Variants in ARHGEF12 observed in about 807,000 individuals in gnomAD.
ARHGEF12 encodes KMT2A/ARHGEF12 fusion protein.
ARHGEF12 carries 66 observed loss-of-function variants against 211.2 expected under a neutral mutation model. The observed-to-expected ratio is 0.31, with a 90% CI of 0.26 to 0.38. The LOEUF (loss-of-function observed/expected upper bound fraction) is 0.38, where lower values mean the gene tolerates loss of function less well. Among genes scored for constraint, ARHGEF12 ranks in the 10% least tolerant of loss-of-function variants. The pLI is 1.00. For synonymous variants in ARHGEF12, 592 were observed against 638.4 expected (o/e 0.93, Z 1.09); for missense variants, 1,429 against 1,869.5 (o/e 0.76, Z 4.34).
intron 37 of ARHGEF12, among the ~76,000 whole-genome samples, chr11:120,479,590 T>C (rs1206717883): frequency 6.6e-6 from 1 of 152,220 alleles, no homozygotes; most frequent in Non-Finnish European, 1.5e-5. Flanking sequence ...ACACAGCCTT[T>C]CAACATTCTT....
intron 1 of ARHGEF12, among the ~76,000 whole-genome samples, chr11:120,394,171 G>A (rs1293678290): frequency 1.3e-5 from 2 of 151,542 alleles, no homozygotes. Context: ...AAAACTTATA[G>A]CATTAAACAC....
In ARHGEF12 at chr11:120,420,866, A is replaced by G. The variant is rs1945163865; in HGVS notation, c.298+15A>G. 6.2e-7 allele frequency: 1 copy of G among 1,602,430 alleles called. No homozygotes were observed. The highest frequency in any genetic ancestry group is 1.1e-5 in the South Asian group (1 of 90,468). ...TGTCAAAGAAGGCAAGGCATTTTAA[A>G]AAACAATTTATCACTCAGTAAACAG... On this transcript the variant is annotated intron_variant, in intron 5 of 40. Coordinates refer to ENST00000397843, the MANE Select transcript of ARHGEF12 (RefSeq NM_015313.3).
chr11:120,353,272 C>G (rs1336525889), intron 1 of ARHGEF12, among the ~76,000 whole-genome samples: 10 of 152,280 alleles, frequency 6.6e-5, no homozygotes, highest in Middle Eastern at 3.4e-3. Context: ...TTGGGAAGTC[C>G]CAGGACCTTG....
rs1945162012 is a variant in ARHGEF12, at chr11:120,420,801, G to T, written c.248G>T (p.Gly83Val). ...VIIQKDDNGF[G>V]LTVSGDNPVF... is the part of the protein sequence containing the mutation. ...ATCCAGAAAGATGACAATGGATTTG[G>T]GCTGACGGTCAGTGGAGACAATCCA... Residue 83 changes from glycine to valine, a missense_variant, in exon 5 of 41, where the codon GGG (glycine) becomes GTG (valine). Physicochemically the swap from Gly to Val is moderately radical, Grantham distance 109 (BLOSUM62 -3). Around this residue, in one of 7 missense-constraint regions of ARHGEF12, gnomAD observed 60 missense variants for 121.0 expected, o/e 0.50. Coordinates refer to ENST00000397843, the MANE Select transcript of ARHGEF12 (RefSeq NM_015313.3). 1 of 1,613,970 alleles carries T rather than the reference G, an allele frequency of 6.2e-7. No homozygotes were observed. The highest frequency in any genetic ancestry group is 1.7e-5 in the Admixed American group (1 of 60,010).
intron 30 of ARHGEF12, among the ~76,000 whole-genome samples, chr11:120,470,474 A>G (rs1946836025): frequency 6.6e-6 from 1 of 152,196 alleles, no homozygotes; most frequent in Non-Finnish European, 1.5e-5. Context: ...GGGGAAGATG[A>G]TGAGGTCACT....
chr11:120,441,133 T>A (rs1945856454), intron 13 of ARHGEF12, among the ~76,000 whole-genome samples: 1 of 152,178 alleles, frequency 6.6e-6, no homozygotes. Flanking sequence ...GATATTGGTG[T>A]GTTGTTTTTC....
chr11:120,385,579 C>A, intron 1 of ARHGEF12: 1 of 641,650 alleles, frequency 1.6e-6, no homozygotes, highest in Non-Finnish European at 1.9e-6. Flanking sequence ...TACCTGTTAA[C>A]AGGAATAAAA....
At chr11:120,420,254 CT>C (rs1228197819) in intron 4 of ARHGEF12, among the ~76,000 whole-genome samples, 2 of 152,148 alleles carry the variant, frequency 1.3e-5, no homozygotes, top group East Asian at 3.9e-4. Flanking sequence ...CACCTCCTTT[CT>C]TTTTACTGTT....
intron 25 of ARHGEF12, 118 bp downstream of exon 25, chr11:120,458,352 AG>A: frequency 8.5e-7 from 1 of 1,169,590 alleles, no homozygotes; most frequent in Non-Finnish European, 1.2e-6. Context: ...TTTTAAACAA[AG>A]AGGAAATTAA....
chr11:120,438,109 C>G (rs1945749843), intron 12 of ARHGEF12, among the ~76,000 whole-genome samples: 1 of 152,176 alleles, frequency 6.6e-6, no homozygotes, highest in Non-Finnish European at 1.5e-5. Context: ...CTTTTAAGCA[C>G]TCTGATTTTA....
chr11:120,478,552 G>A (rs1947131732), intron 37 of ARHGEF12, among the ~76,000 whole-genome samples, 163 bp downstream of exon 37: 1 of 152,156 alleles, frequency 6.6e-6, no homozygotes, highest in African/African-American at 2.4e-5. Context: ...ACACACACAT[G>A]CCACTCTGTT....
intron 25 of ARHGEF12, chr11:120,458,600 GA>G (rs891375158): frequency 1.5e-4 from 34 of 226,472 alleles, no homozygotes; most frequent in Non-Finnish European, 1.5e-4. Context: ...AACGTGTAAG[GA>G]AAAAAATTCA....
intron 1 of ARHGEF12, among the ~76,000 whole-genome samples, chr11:120,348,866 C>T (rs1047380706): frequency 6.6e-6 from 1 of 152,044 alleles, no homozygotes; most frequent in African/African-American, 2.4e-5. Context: ...TAAAAAATTA[C>T]CTTCAGGCTG....
chr11:120,454,612 CGGTT>C lies in ARHGEF12; in HGVS notation c.2057-2503_2057-2500del, dbSNP rs372287278. Among the ~76,000 whole-genome samples, 422 of 152,258 alleles carry C rather than the reference CGGTT, an allele frequency of 2.8e-3. 1 individual carries two copies. Among genetic ancestry groups the C allele is most frequent in the African/African-American group, 8.8e-3 (364 of 41,550 alleles). The stretch of plus-strand genomic sequence containing the variant: ...CAGAGCAGCTTAGCTGCGTGGGTCT[CGGTT>C]GGAGTCTGTCATAAAGTTGCAGTCA... On this transcript the variant is annotated intron_variant, in intron 22 of 40. Transcript: ENST00000397843.
In ARHGEF12 at chr11:120,460,532, T is replaced by C. The variant is rs901037017; in HGVS notation, c.2528-140T>C. ...AGATGTGTAAGCACTATGTCCAGAT[T>C]TATATTTAAGGAGATAAGAAGCAGC... On this transcript the variant is annotated intron_variant, in intron 26 of 40. Coordinates refer to ENST00000397843, the MANE Select transcript of ARHGEF12 (RefSeq NM_015313.3). 8.4e-6 allele frequency: 5 copies of C among 593,338 alleles called. No homozygotes were observed. The Admixed American group carries it at 9.4e-5, about 11-fold the overall frequency. 36.8% of individuals were successfully genotyped at this position (593,338 alleles called of 1,614,324 possible). A position where few individuals can be genotyped will look rare whatever the true frequency, so the allele number is the denominator to read the frequency against.
intron 4 of ARHGEF12, among the ~76,000 whole-genome samples, chr11:120,413,743 G>A (rs1944950318): frequency 6.6e-6 from 1 of 152,170 alleles, no homozygotes. Context: ...CTGTTTTTAT[G>A]AGGTTGCACA....
Position 120,477,224 on chromosome 11 carries a change from A to G in ARHGEF12, c.3371A>G (p.Gln1124Arg). 6.2e-7 allele frequency: 1 copy of G among 1,613,978 alleles called. No homozygotes were observed. Among genetic ancestry groups the G allele is most frequent in the Non-Finnish European group, 8.5e-7 (1 of 1,179,982 alleles). ...TTCTTTCCAACTTTCTGAAGCTGGC[A>G]GGACCTAATCTGTCGGATGGCTGCA... ...AQTVSEKTVW[Q>R]DLICRMAASV... Residue 1124 changes from glutamine (Q) to arginine (R), a missense_variant, in exon 35 of 41, where the codon CAG (glutamine) becomes CGG (arginine). This residue lies in a region of ARHGEF12 where 223 missense variants were observed against 444.6 expected (regional missense o/e 0.50). Coordinates refer to ENST00000397843, the MANE Select transcript of ARHGEF12 (RefSeq NM_015313.3).
intron 35 of ARHGEF12, 59 bp downstream of exon 35, chr11:120,477,364 A>G: frequency 6.2e-7 from 1 of 1,600,984 alleles, no homozygotes; most frequent in East Asian, 2.2e-5. Context: ...GGAAAAGACT[A>G]GGATAATTAT....
intron 1 of ARHGEF12, among the ~76,000 whole-genome samples, chr11:120,354,087 GGGA>G (rs1261210599): frequency 1.3e-5 from 2 of 152,250 alleles, no homozygotes; most frequent in East Asian, 1.9e-4. Context: ...GGGGTGCAGT[GGGA>G]GGAGAAGATA....
Sources: gnomAD v4.1 joint callset for allele counts (sites outside exome capture counted in the v4.1 genomes callset) on GRCh38, gnomAD v4.1.1 for gene constraint, gnomAD v4.1.1 regional missense constraint, MANE v1.5 for transcripts, NCBI Gene and HGNC (gene_info 2026-07-23, HGNC 2026-07-21) for gene names.